ARHGEF15: variants seen among roughly 807,000 people sequenced by gnomAD.
ARHGEF15 encodes Rho guanine nucleotide exchange factor 15, also known as Rho guanine nucleotide exchange factor (GEF) 15.
In ARHGEF15, 58 loss-of-function variants were observed where a neutral mutation model predicts 79.7. The observed-to-expected ratio is 0.73, with a 90% confidence interval of 0.59 to 0.91. The LOEUF (loss-of-function observed/expected upper bound fraction) is 0.91. Ranked by LOEUF, ARHGEF15 falls within the 40% of genes least tolerant of loss-of-function variation. The pLI is 0.00. For missense variants in ARHGEF15, 1,012 were observed against 1,108.1 expected, an observed-to-expected ratio of 0.91 and a Z score of 1.23; for synonymous variants, 442 against 456.0, an observed-to-expected ratio of 0.97 and a Z score of 0.39.
chr17:8,314,906 G>A lies in ARHGEF15; in HGVS notation c.990G>A (p.Arg330=), dbSNP rs1904904239. 2 of 1,613,826 alleles carry A rather than the reference G, an allele frequency of 1.2e-6. No homozygotes were observed. Among genetic ancestry groups the A allele is most frequent in the African/African-American group, 2.7e-5 (2 of 74,876 alleles). The change falls in exon 5 of 16, where the codon AGG becomes AGA. Residue 330 remains arginine, a splice_region_variant and synonymous_variant. Coordinates refer to ENST00000361926, the MANE Select transcript of ARHGEF15 (RefSeq NM_173728.4). ...CTTCCTTCCCTTTCTTTCTCCACAG[G>A]GAAGAGGAGGGGCTAGAGGTGCTGA... ...QNTPPATVEG[R]EEEGLEVLKE...
intron 1 of ARHGEF15, 36 bp from the exon 2 acceptor site, chr17:8,311,954 CA>C: frequency 1.4e-6 from 2 of 1,394,566 alleles, no homozygotes; most frequent in South Asian, 3.1e-5. Context: ...CCCTGTGGGG[CA>C]CTAAGGGTCT....
intron 2 of ARHGEF15, 26 bp downstream of exon 2, chr17:8,312,666 G>GGT (rs761901404): frequency 3.7e-6 from 6 of 1,611,212 alleles, no homozygotes; most frequent in Non-Finnish European, 5.1e-6. Context: ...GGGGGGCGCT[G>GGT]GGTGACCTCA....
In ARHGEF15 at chr17:8,318,085, C is replaced by T. The variant is rs1905144842; in HGVS notation, c.1705-302C>T. ...CTCCGGAAGAAAAAAAAATAAGAAC[C>T]TTCTTTTCAACATTTAATATGTGCC... On this transcript the variant is annotated intron_variant, in intron 9 of 15. Transcript: ENST00000361926. This position sits in a 1 kb window ranked among gnomAD's most constrained non-coding sequence, Gnocchi z 5.0. The T allele has an allele frequency of 3.7e-6, 1 of 268,916 alleles. No homozygotes were observed. Among genetic ancestry groups the T allele is most frequent in the Non-Finnish European group, 7.0e-6 (1 of 143,100 alleles). The allele number at this position is 268,916 out of a possible 1,614,324, so 16.7% of individuals were successfully genotyped here. A position where few individuals can be genotyped will look rare whatever the true frequency, so the allele number is the denominator to read the frequency against.
chr17:8,312,468 T>A lies in ARHGEF15; in HGVS notation c.429T>A (p.Ser143=). ...CTGGAGTCCTGGCTCAGAATGGCTC[T>A]GCCTCAGCTCCTGGCACTGTGCGGA... ...PMAGVLAQNG[S]ASAPGTVRRL... is the part of the protein sequence containing the mutation. The change falls in exon 2 of 16, where the codon TCT becomes TCA. Residue 143 remains serine, a synonymous_variant. Coordinates refer to ENST00000361926, the MANE Select transcript of ARHGEF15 (RefSeq NM_173728.4). 2.5e-6 allele frequency: 4 copies of A among 1,613,820 alleles called. No individual in the cohort carries two copies. Among genetic ancestry groups the A allele is most frequent in the Non-Finnish European group, 3.4e-6 (4 of 1,179,934 alleles).
At position 8,313,002 on chromosome 17, in the gene ARHGEF15, G is replaced by C. The variant is rs752043963; in HGVS notation, c.682G>C (p.Val228Leu). 2 of 1,611,350 alleles carry C rather than the reference G, an allele frequency of 1.2e-6. No individual in the cohort carries two copies. The highest frequency in any genetic ancestry group is 1.1e-5 in the South Asian group (1 of 90,890). The change falls in exon 3 of 16, where the codon GTG becomes CTG. Residue 228 changes from valine to leucine, a missense_variant. Transcript: ENST00000361926. Reference sequence around the variant, plus strand: ...TGGCCTGGAGCTCAGATGGGTGCCTGTGGGGGGCTATGAGGAGGTCCCCAG... The same window carrying C: ...TGGCCTGGAGCTCAGATGGGTGCCTCTGGGGGGCTATGAGGAGGTCCCCAG... ...RPGLELRWVP[V>L]GGYEEVPRVP...
At chr17:8,312,792 G>A in intron 2 of ARHGEF15, 130 bp from the exon 3 acceptor site, 5 of 1,566,370 alleles carry the variant, frequency 3.2e-6, no homozygotes, top group Non-Finnish European at 4.3e-6. Context: ...AGGGAGTCAG[G>A]GTGGAGGAGA....
chr17:8,316,699 A>T (rs1291293141), intron 9 of ARHGEF15, among the ~76,000 whole-genome samples: 1 of 152,210 alleles, frequency 6.6e-6, no homozygotes, highest in Non-Finnish European at 1.5e-5. Context: ...ATGTTTAGGG[A>T]AAATTATCTT....
At position 8,318,233 on chromosome 17, in the gene ARHGEF15, C is replaced by T; in HGVS notation, c.1705-154C>T. ...GGGAAGCTGAGGCTCAGAGAGGTAA[C>T]AGGACTTGCTCAGGGTTCTGCAGAT... is the stretch of plus-strand genomic sequence containing the variant. On this transcript the variant is annotated intron_variant, in intron 9 of 15. Coordinates refer to ENST00000361926, the MANE Select transcript of ARHGEF15 (RefSeq NM_173728.4). This position sits in a 1 kb window ranked among gnomAD's most constrained non-coding sequence, Gnocchi z 5.0. 1 of 717,506 alleles carries T rather than the reference C, an allele frequency of 1.4e-6. No homozygotes were observed. Among genetic ancestry groups the T allele is most frequent in the Non-Finnish European group, 2.4e-6 (1 of 413,926 alleles). 44.4% of individuals were successfully genotyped at this position (717,506 alleles called of 1,614,324 possible).
At position 8,313,266 on chromosome 17, in the gene ARHGEF15, G is replaced by C. The variant is rs748426242; in HGVS notation, c.934+12G>C. ...TGGAATCCAAACAGGTGCAGGGCCT[G>C]GGGGAGTGGACCTCTGGGCTGTGAG... On this transcript the variant is annotated intron_variant, in intron 3 of 15. Coordinates refer to ENST00000361926, the MANE Select transcript of ARHGEF15 (RefSeq NM_173728.4). The C allele has an allele frequency of 1.1e-5, 17 of 1,601,434 alleles. No individual in the cohort carries two copies. Among genetic ancestry groups the C allele is most frequent in the Admixed American group, 3.3e-5 (2 of 59,872 alleles).
rs746228749 is a variant in ARHGEF15 at position 8,315,049 on chromosome 17, CTA to C, written c.1049-15_1049-14del. 4.2e-5 allele frequency: 67 copies of C among 1,613,104 alleles called. No homozygotes were observed. The highest frequency in any genetic ancestry group is 5.3e-5 in the Non-Finnish European group (62 of 1,179,502). On this transcript the variant is annotated splice_polypyrimidine_tract_variant and intron_variant, in intron 5 of 15. Transcript: ENST00000361926. The surrounding 1 kb of genome is among the most constrained non-coding windows in gnomAD (Gnocchi z 4.3). The stretch of plus-strand genomic sequence containing the variant: ...GGGAGCCCTGGGCTTCCCTGAAGTG[CTA>C]TGTTTGCCCTCTAGAACCTCTGTAC...
chr17:8,310,921 AATGCAGGT>A (rs1306815495), intron 1 of ARHGEF15: 10 of 151,980 alleles, frequency 6.6e-5, no homozygotes, highest in Non-Finnish European at 1.3e-4. Context: ...GAAGGAAGTA[AATGCAGGT>A]ACCCGAGAGG....
rs781150852 is a variant in ARHGEF15 at position 8,319,564 on chromosome 17, T to A, written c.2335T>A (p.Ser779Thr). The A allele has an allele frequency of 6.2e-7, 1 of 1,608,330 alleles. No individual in the cohort carries two copies. Among genetic ancestry groups the A allele is most frequent in the African/African-American group, 1.3e-5 (1 of 74,416 alleles). ...PAKTEGRSLE[S>T]RAAPKHLHKT... ...CAAGACTGAAGGACGGAGTCTGGAG[T>A]CCAGGGCTGCCCCCAAACACCTGCA... Residue 779 changes from serine to threonine, a missense_variant, in exon 15 of 16, where the codon TCC becomes ACC. Ser to Thr is a moderately conservative substitution (Grantham distance 58). Transcript: ENST00000361926.
At position 8,320,883 on chromosome 17, in the gene ARHGEF15, G is replaced by A. The variant is rs1234674531; in HGVS notation, c.2416G>A (p.Val806Met). The A allele has an allele frequency of 6.2e-7, 1 of 1,613,582 alleles. No individual in the cohort carries two copies. Among genetic ancestry groups the A allele is most frequent in the Non-Finnish European group, 8.5e-7 (1 of 1,179,960 alleles). ...TCCTGGGGCCTTCCCTGCCCAGCTG[G>A]TGTGTGAAGTCACAGGGGAACACGA... Reference protein sequence around the residue: ...GLPGAFPAQLVCEVTGEHERR... With the variant: ...GLPGAFPAQLMCEVTGEHERR... Residue 806 changes from valine (V) to methionine (M), a missense_variant, in exon 16 of 16, where the codon GTG becomes ATG. Val to Met is a conservative substitution (Grantham distance 21). Coordinates refer to ENST00000361926, the MANE Select transcript of ARHGEF15 (RefSeq NM_173728.4).
chr17:8,315,715 C>T lies in ARHGEF15; in HGVS notation c.1422-40C>T. On this transcript the variant is annotated intron_variant, in intron 7 of 15. Transcript: ENST00000361926. This position sits in a 1 kb window ranked among gnomAD's most constrained non-coding sequence, Gnocchi z 4.3. ...TCTCAAGAACCCGGGAGACCTGGCT[C>T]TCTGCCCCGCCCCATTGCTTGCTTC... 3 of 1,601,006 alleles carry T rather than the reference C, an allele frequency of 1.9e-6. No individual in the cohort carries two copies. The highest frequency in any genetic ancestry group is 1.3e-5 in the African/African-American group (1 of 74,744).
rs1292970195 is a variant in ARHGEF15, at chr17:8,312,362, C to T, written c.323C>T (p.Ala108Val). Residue 108 changes from alanine to valine, a missense_variant, in exon 2 of 16, where the codon GCC (alanine) becomes GTC (valine). This residue lies in a region of ARHGEF15 where 818 missense variants were observed against 882.5 expected (regional missense o/e 0.93). Coordinates refer to ENST00000361926, the MANE Select transcript of ARHGEF15 (RefSeq NM_173728.4). ...PTPSPVSRRSASPEPAPRSPV... is the reference protein window; with the variant it reads ...PTPSPVSRRSVSPEPAPRSPV... ...CCTAGTCCAGTGTCCCGGCGCTCCG[C>T]CTCCCCAGAACCTGCTCCCCGGTCT... 11 of 1,603,558 alleles carry T rather than the reference C, an allele frequency of 6.9e-6. No homozygotes were observed. In the East Asian group the frequency reaches 2.5e-4, roughly 36 times the overall value.
chr17:8,313,456 G>T (rs1904805012), intron 3 of ARHGEF15, 45 bp from the exon 4 acceptor site: 3 of 1,598,650 alleles, frequency 1.9e-6, no homozygotes, highest in Non-Finnish European at 8.5e-7. Context: ...CCTGGCTGGG[G>T]ATCCTGGAGT....
In ARHGEF15 at chr17:8,315,696, G is replaced by T; in HGVS notation, c.1422-59G>T. 6.3e-7 allele frequency: 1 copy of T among 1,593,930 alleles called. No individual in the cohort carries two copies. ...AGTTAGTTCCCAAACCTTCTCTCAAGAACCCGGGAGACCTGGCTCTCTGCC... is the reference window on the plus strand; with the variant it reads ...AGTTAGTTCCCAAACCTTCTCTCAATAACCCGGGAGACCTGGCTCTCTGCC... On this transcript the variant is annotated intron_variant, in intron 7 of 15. Coordinates refer to ENST00000361926, the MANE Select transcript of ARHGEF15 (RefSeq NM_173728.4). This position sits in a 1 kb window ranked among gnomAD's most constrained non-coding sequence, Gnocchi z 4.3.
Position 8,319,406 on chromosome 17 carries a change from C to T in ARHGEF15, c.2269+12C>T, listed in dbSNP as rs1905236364. The T allele has an allele frequency of 1.2e-6, 2 of 1,608,516 alleles. No individual in the cohort carries two copies. The highest frequency in any genetic ancestry group is 1.3e-5 in the African/African-American group (1 of 74,670). ...CTATGAGGACTGTGGTGAGTATCCC[C>T]CTAGAGGGGATGAGGGAAGAAAAAG... On this transcript the variant is annotated intron_variant, in intron 14 of 15. Coordinates refer to ENST00000361926, the MANE Select transcript of ARHGEF15 (RefSeq NM_173728.4).
In ARHGEF15 at chr17:8,321,669, G is replaced by C. The variant is rs1905394679; in HGVS notation, c.*676G>C. 6.6e-6 allele frequency: 1 copy of C among 152,248 alleles called. No homozygotes were observed. Among genetic ancestry groups the C allele is most frequent in the African/African-American group, 2.4e-5 (1 of 41,414 alleles). The allele number at this position is 152,248 out of a possible 1,614,324, so 9.4% of individuals were successfully genotyped here. On this transcript the variant is annotated 3_prime_UTR_variant, in exon 16 of 16. Coordinates refer to ENST00000361926, the MANE Select transcript of ARHGEF15 (RefSeq NM_173728.4). Reference sequence around the variant, plus strand: ...GTGTGTGTGTGGTGATTGTGCTCCTGACCCACAAATGACTGAGTGCTCCAT... The same window carrying C: ...GTGTGTGTGTGGTGATTGTGCTCCTCACCCACAAATGACTGAGTGCTCCAT...
Sources: gnomAD v4.1 joint callset for allele counts (sites outside exome capture counted in the v4.1 genomes callset) on GRCh38, gnomAD v4.1.1 for gene constraint, gnomAD v4.1.1 regional missense constraint, Gnocchi (gnomAD v3.1) non-coding constraint, MANE v1.5 for transcripts, NCBI Gene and HGNC (gene_info 2026-07-23, HGNC 2026-07-21) for gene names.